The following STAG2 variants were observed in gnomAD, a reference collection of about 807,000 sequenced individuals.
STAG2 encodes the protein STAG2 cohesin complex component, also known as cohesin subunit SA-2.
In STAG2, 14 loss-of-function variants were observed where a neutral mutation model predicts 108.1. The ratio of observed to expected loss-of-function variants is 0.13; its 90% CI spans 0.09 to 0.20. The LOEUF (loss-of-function observed/expected upper bound fraction) is 0.20, where lower values mean the gene tolerates loss of function less well. Ranked by LOEUF, STAG2 falls within the 10% of genes least tolerant of loss-of-function variation. The pLI is 1.00. For synonymous variants in STAG2, 307 were observed against 302.7 expected, an observed-to-expected ratio of 1.01 and a Z score of -0.15; for missense variants, 440 against 940.9, an observed-to-expected ratio of 0.47 and a Z score of 6.96.
intron 1 of STAG2, among the ~76,000 whole-genome samples, chrX:123,991,223 T>C (rs189359461): frequency 1.8e-5 from 2 of 112,810 alleles, no homozygotes; most frequent in East Asian, 5.6e-4. Context: ...AGCTTTTTGC[T>C]CTACAGTCAG....
In STAG2 at chrX:124,102,584, GTGTT is replaced by G. The variant is rs2059522657; in HGVS notation, c.*1990_*1993del. 1 of 146,615 alleles carries G rather than the reference GTGTT, an allele frequency of 6.8e-6. No homozygotes were observed. Among genetic ancestry groups the G allele is most frequent in the East Asian group, 1.1e-4 (1 of 9,036 alleles). The allele number at this position is 146,615 out of a possible 1,213,427, so 12.1% of individuals were successfully genotyped here. On this transcript the variant is annotated 3_prime_UTR_variant, in exon 35 of 35. Coordinates refer to ENST00000371145, the MANE Select transcript of STAG2 (RefSeq NM_001042750.2). Reference sequence around the variant, plus strand: ...TATATCTATTATCACATCTTTTAATGTGTTTGGGGAATAATTTATAGAGAATACC... The same window carrying G: ...TATATCTATTATCACATCTTTTAATGTGGGGAATAATTTATAGAGAATACC...
intron 30 of STAG2, among the ~76,000 whole-genome samples, chrX:124,087,247 A>G (rs7881068): frequency 0.011 from 1,263 of 112,205 alleles, 19 homozygotes; most frequent in African/African-American, 0.039. Flanking sequence ...ATAGAGTGCT[A>G]TCGTATTAGA....
intron 1 of STAG2, among the ~76,000 whole-genome samples, chrX:123,964,767 G>C (rs748752686): frequency 5.5e-5 from 6 of 108,446 alleles, no homozygotes; most frequent in African/African-American, 1.0e-4. Flanking sequence ...ATTTAAAATG[G>C]TTTAAATCAC....
chrX:124,083,249 CAT>C (rs970554890), intron 28 of STAG2, among the ~76,000 whole-genome samples, 170 bp from the exon 29 acceptor site: 1 of 111,408 alleles, frequency 9.0e-6, no homozygotes, highest in African/African-American at 3.3e-5. Context: ...GTAACAGTGA[CAT>C]AAAATGTCAG....
chrX:124,099,125 A>C (rs1470525583), intron 34 of STAG2, among the ~76,000 whole-genome samples: 2 of 111,715 alleles, frequency 1.8e-5, no homozygotes, highest in East Asian at 5.6e-4. Flanking sequence ...GAAGGGCTCC[A>C]TGTAATGGAG....
At chrX:124,053,012 T>C (rs1324610194) in intron 13 of STAG2, among the ~76,000 whole-genome samples, 2 of 110,934 alleles carry the variant, frequency 1.8e-5, no homozygotes, top group Non-Finnish European at 3.8e-5. Flanking sequence ...AGACGAAGTT[T>C]CACCATGTTG....
At chrX:124,055,060 C>G (rs2058155741) in intron 13 of STAG2, among the ~76,000 whole-genome samples, 1 of 112,028 alleles carries the variant, frequency 8.9e-6, no homozygotes, top group Admixed American at 9.5e-5. Context: ...AGTGACCACA[C>G]CCAGCCTGAT....
chrX:124,059,257 C>T (rs191276646), intron 15 of STAG2, among the ~76,000 whole-genome samples: 55 of 112,468 alleles, frequency 4.9e-4, no homozygotes, highest in Non-Finnish European at 6.6e-4. Flanking sequence ...GCAGAGGTTG[C>T]AGTGAGTCAA....
chrX:124,095,129 G>T (rs983757293), intron 33 of STAG2, among the ~76,000 whole-genome samples: 1 of 111,641 alleles, frequency 9.0e-6, no homozygotes, highest in Non-Finnish European at 1.9e-5. Flanking sequence ...GGGTTTCACC[G>T]TGTTAGCCAG....
At chrX:124,046,264 T>C (rs1445919857) in intron 8 of STAG2, among the ~76,000 whole-genome samples, 1 of 112,502 alleles carries the variant, frequency 8.9e-6, no homozygotes, top group East Asian at 2.8e-4. Context: ...TGATTAAAGA[T>C]ATGCTTCTAC....
intron 5 of STAG2, 27 bp downstream of exon 5, chrX:124,031,152 T>C (rs2057319493): frequency 8.5e-7 from 1 of 1,180,081 alleles, no homozygotes; most frequent in Admixed American, 2.4e-5. Flanking sequence ...TCTTCCCAGT[T>C]CATTTGTACA....
intron 1 of STAG2, among the ~76,000 whole-genome samples, chrX:123,983,048 T>C (rs1323988376): frequency 9.0e-6 from 1 of 111,446 alleles, no homozygotes; most frequent in Non-Finnish European, 1.9e-5. Flanking sequence ...GCTTCGGAGA[T>C]GTTAAACAGT....
At chrX:124,054,187 T>A (rs1292494553) in intron 13 of STAG2, among the ~76,000 whole-genome samples, 2 of 112,347 alleles carry the variant, frequency 1.8e-5, no homozygotes, top group African/African-American at 6.5e-5. Context: ...TTGTTTGTAA[T>A]AGCAGAATTT....
chrX:124,095,319 T>C lies in STAG2; in HGVS notation c.3706-53T>C, dbSNP rs754778375. The C allele has an allele frequency of 3.1e-6, 3 of 976,995 alleles. No individual in the cohort carries two copies. The Admixed American group carries it at 6.7e-5, about 22-fold the overall frequency. 80.5% of individuals were successfully genotyped at this position (976,995 alleles called of 1,213,427 possible). On this transcript the variant is annotated intron_variant, in intron 33 of 34. Coordinates refer to ENST00000371145, the MANE Select transcript of STAG2 (RefSeq NM_001042750.2). ...AACTTGGATATTTTCAGTTACTATC[T>C]GGTTTGTAGATATAGCTAAACTAAT...
chrX:124,094,020 G>A lies in STAG2; in HGVS notation c.3581G>A (p.Arg1194Gln), dbSNP rs756126724. The change falls in exon 33 of 35, where the codon CGG becomes CAG. Residue 1194 changes from arginine (R) to glutamine (Q), a missense_variant and splice_region_variant. Arg to Gln is a conservative substitution (Grantham distance 43). Transcript: ENST00000371145. ...KLRTNLQHAI[R>Q]RGTSLMEDDE... is the part of the protein sequence containing the mutation. ...GACTTTGTTTTATATTTCTCTAGTC[G>A]GCGTGGCACAAGCCTAATGGAAGAT... is the stretch of plus-strand genomic sequence containing the variant. 6 of 1,207,900 alleles carry A rather than the reference G, an allele frequency of 5.0e-6. No homozygotes were observed. The highest frequency in any genetic ancestry group is 3.0e-5 in the East Asian group (1 of 33,710).
At chrX:124,066,871 T>TGCCAGC (rs2058544832) in intron 23 of STAG2, among the ~76,000 whole-genome samples, 3 of 112,162 alleles carry the variant, frequency 2.7e-5, no homozygotes, top group African/African-American at 9.7e-5. Context: ...ATATATAATG[T>TGCCAGC]GCCAGCGCCA....
chrX:124,041,184 T>A (rs2057706870), intron 6 of STAG2, among the ~76,000 whole-genome samples: 1 of 108,513 alleles, frequency 9.2e-6, no homozygotes, highest in Non-Finnish European at 1.9e-5. Context: ...GAAATGGTGC[T>A]TTCTCCTGAG....
intron 7 of STAG2, among the ~76,000 whole-genome samples, chrX:124,043,111 T>C (rs142719548): frequency 1.8e-5 from 2 of 109,696 alleles, no homozygotes; most frequent in African/African-American, 6.6e-5. Flanking sequence ...TTTGGCAGGT[T>C]GTTGTCTTAG....
At chrX:124,028,824 T>A (rs562104067) in intron 4 of STAG2, among the ~76,000 whole-genome samples, 2,425 of 65,237 alleles carry the variant, frequency 0.037, 34 homozygotes, top group Middle Eastern at 0.06. Flanking sequence ...ATATATATAT[T>A]TTTTTTTTTA....
Sources: allele counts gnomAD v4.1 joint callset (sites outside exome capture counted in the v4.1 genomes callset), GRCh38; gene constraint gnomAD v4.1.1; transcripts MANE v1.5; gene names NCBI Gene and HGNC (gene_info 2026-07-23, HGNC 2026-07-21).